SPINK2: variants seen among roughly 807,000 people sequenced by gnomAD.
SPINK2 encodes the protein serine peptidase inhibitor Kazal type 2.
A neutral mutation model predicts 13.5 loss-of-function variants in SPINK2; 8 were observed. That is an observed-to-expected ratio of 0.59 (90% confidence interval 0.35 to 1.07). The LOEUF is 1.07. Among genes scored for constraint, SPINK2 ranks in the 50% least tolerant of loss-of-function variants. SPINK2 has a pLI of 0.02. For synonymous variants in SPINK2, 76 were observed against 74.7 expected (o/e 1.02, Z -0.09); for missense variants, 148 against 180.3 (o/e 0.82, Z 1.03).
In SPINK2 at chr4:56,821,676, C is replaced by T. The variant is rs1462917769; in HGVS notation, c.-14G>A. ...CGACAGCGCCATCCTCCTCCCGCGC[C>T]GGCTGTCTTGCCCCTGCGGTCTGTT... On this transcript the variant is annotated 5_prime_UTR_variant, in exon 1 of 4. Coordinates refer to ENST00000506738, the MANE Select transcript of SPINK2 (RefSeq NM_001271718.2). 5 of 1,519,664 alleles carry T rather than the reference C, an allele frequency of 3.3e-6. No homozygotes were observed. The highest frequency in any genetic ancestry group is 2.1e-5 in the Admixed American group (1 of 48,208). 94.1% of individuals were successfully genotyped at this position (1,519,664 alleles called of 1,614,324 possible).
intron 2 of SPINK2, among the ~76,000 whole-genome samples, chr4:56,812,174 GT>G (rs1379501566): frequency 2.6e-5 from 4 of 151,098 alleles, no homozygotes; most frequent in Non-Finnish European, 5.9e-5. Context: ...GATTACAGGC[GT>G]GAGCCACTGC....
At chr4:56,820,114 A>G (rs536496255) in intron 2 of SPINK2, among the ~76,000 whole-genome samples, 46 of 151,940 alleles carry the variant, frequency 3.0e-4, no homozygotes, top group African/African-American at 1.1e-3. Flanking sequence ...CCTTTTTTCC[A>G]CTATAGTTTT....
intron 2 of SPINK2, among the ~76,000 whole-genome samples, chr4:56,817,605 C>T (rs1243895414): frequency 1.4e-5 from 2 of 145,116 alleles, no homozygotes; most frequent in South Asian, 2.3e-4. Flanking sequence ...AATCCCAGCA[C>T]TTTGGGAGGC....
At chr4:56,811,816 A>G (rs1382489453) in intron 2 of SPINK2, 22 bp from the exon 3 acceptor site, 5 of 1,501,790 alleles carry the variant, frequency 3.3e-6, no homozygotes, top group East Asian at 2.3e-5. Flanking sequence ...AAAGAGAGAA[A>G]TTCGAGAATG....
At chr4:56,820,780 T>A (rs1717874417) in intron 1 of SPINK2, among the ~76,000 whole-genome samples, 1 of 152,146 alleles carries the variant, frequency 6.6e-6, no homozygotes, top group Non-Finnish European at 1.5e-5. Context: ...TTCATAAGGA[T>A]GTTTTAAAAT....
intron 2 of SPINK2, among the ~76,000 whole-genome samples, chr4:56,817,726 C>T (rs1399127494): frequency 2.0e-5 from 3 of 152,022 alleles, no homozygotes; most frequent in African/African-American, 4.8e-5. Context: ...TGGCAGTGCA[C>T]GCCTGTAATC....
chr4:56,818,738 A>G (rs940435296), intron 2 of SPINK2, among the ~76,000 whole-genome samples: 2 of 152,126 alleles, frequency 1.3e-5, no homozygotes, highest in South Asian at 2.1e-4. Context: ...TAAATTCTAC[A>G]TGTAGGAACT....
chr4:56,810,494 G>C, intron 3 of SPINK2: 1 of 289,976 alleles, frequency 3.4e-6, no homozygotes, highest in Non-Finnish European at 6.4e-6. Context: ...CTGGAGGTCA[G>C]GGGTTTGAGA....
rs1717925836 is a variant in SPINK2, at chr4:56,821,439, C to T, written c.205+19G>A. On this transcript the variant is annotated intron_variant, in intron 1 of 3. Coordinates refer to ENST00000506738, the MANE Select transcript of SPINK2 (RefSeq NM_001271718.2). The stretch of plus-strand genomic sequence containing the variant: ...CTCCACAAAGCCACCCCCACAACCC[C>T]CAGTTCGCGTTCCTCCACCTGGCAG... 6.7e-7 allele frequency: 1 copy of T among 1,500,302 alleles called. No homozygotes were observed. Among genetic ancestry groups the T allele is most frequent in the South Asian group, 1.3e-5 (1 of 78,586 alleles). The allele number at this position is 1,500,302 out of a possible 1,614,324, so 92.9% of individuals were successfully genotyped here.
intron 3 of SPINK2, 95 bp downstream of exon 3, chr4:56,811,590 C>T (rs952911684): frequency 2.7e-6 from 2 of 732,468 alleles, no homozygotes; most frequent in African/African-American, 3.7e-5. Context: ...GCACTCCAGC[C>T]TGGGTGACAG....
At chr4:56,811,071 T>A (rs1366270461) in intron 3 of SPINK2, among the ~76,000 whole-genome samples, 1 of 152,214 alleles carries the variant, frequency 6.6e-6, no homozygotes, top group African/African-American at 2.4e-5. Context: ...TAAAATTTAA[T>A]ACTCCACAGA....
intron 2 of SPINK2, among the ~76,000 whole-genome samples, chr4:56,817,295 G>C (rs1184842711): frequency 6.6e-6 from 1 of 152,150 alleles, no homozygotes; most frequent in African/African-American, 2.4e-5. Context: ...GAAATTAAAG[G>C]CCTAAATACA....
At chr4:56,818,258 A>G (rs1717624454) in intron 2 of SPINK2, 1 of 152,250 alleles carries the variant, frequency 6.6e-6, no homozygotes, top group Non-Finnish European at 1.5e-5. Flanking sequence ...GAAAAGGAAC[A>G]GAGAAATCTG....
intron 3 of SPINK2, chr4:56,810,402 C>T (rs1428364617): frequency 1.9e-6 from 1 of 524,032 alleles, no homozygotes; most frequent in Non-Finnish European, 3.3e-6. Context: ...GGACACTAAC[C>T]CCAAAGAATC....
At chr4:56,817,032 T>C (rs1050560646) in intron 2 of SPINK2, among the ~76,000 whole-genome samples, 1 of 151,248 alleles carries the variant, frequency 6.6e-6, no homozygotes, top group Non-Finnish European at 1.5e-5. Flanking sequence ...TAAAACCCCA[T>C]CTCTACTAAA....
rs201142196 is a variant in SPINK2, at chr4:56,813,532, TCAG to T, written c.250-1741_250-1739del. ...CAACTGAGCTCTGCCTCCTGTCAGG[TCAG>T]CGATGGCATTAGATTCTCATAGGAG... On this transcript the variant is annotated intron_variant, in intron 2 of 3. Transcript: ENST00000506738. 2.2e-3 allele frequency among the ~76,000 whole-genome samples: 332 copies of T among 151,910 alleles called. 2 individuals are homozygous for T. Among genetic ancestry groups the T allele is most frequent in the African/African-American group, 7.8e-3 (325 of 41,432 alleles).
At chr4:56,810,828 A>AT (rs1242335960) in intron 3 of SPINK2, 1 of 152,232 alleles carries the variant, frequency 6.6e-6, no homozygotes, top group Non-Finnish European at 1.5e-5. Flanking sequence ...TCAAAAAAAA[A>AT]AAAAAGAATC....
rs1254754029 is a variant in SPINK2, at chr4:56,821,557, ACCCGCTTTT to A, written c.97_105del (p.Lys33_Gly35del). The A allele has an allele frequency of 6.5e-7, 1 of 1,547,156 alleles. No individual in the cohort carries two copies. Among genetic ancestry groups the A allele is most frequent in the Admixed American group, 2.0e-5 (1 of 50,906 alleles). The stretch of plus-strand genomic sequence containing the variant: ...GGTCCGCCGCCGGTCTGACTCCCAA[ACCCGCTTTT>A]CTCCGGAGGTCCCCGCTCGCCAGGA... On this transcript the variant is annotated inframe_deletion, in exon 1 of 4. Coordinates refer to ENST00000506738, the MANE Select transcript of SPINK2 (RefSeq NM_001271718.2).
intron 2 of SPINK2, among the ~76,000 whole-genome samples, chr4:56,814,463 A>G (rs751616524): frequency 1.3e-5 from 2 of 152,064 alleles, no homozygotes; most frequent in Non-Finnish European, 2.9e-5. Flanking sequence ...GATCCTGCCT[A>G]TAAGAAGCTT....
Sources: allele counts gnomAD v4.1 joint callset (sites outside exome capture counted in the v4.1 genomes callset), GRCh38; gene constraint gnomAD v4.1.1; transcripts MANE v1.5; gene names NCBI Gene and HGNC (gene_info 2026-07-23, HGNC 2026-07-21).